GAREM1: variants seen among roughly 807,000 people sequenced by gnomAD.
GAREM1 encodes the protein GRB2-associated and regulator of MAPK protein 1.
GAREM1 carries 26 observed loss-of-function variants against 71.3 expected under a neutral mutation model. That is an observed-to-expected ratio of 0.36 (90% confidence interval 0.27 to 0.51). The LOEUF is 0.51. GAREM1 is among the 20% of genes least tolerant of loss of function. The probability of loss-of-function intolerance (pLI) is 0.95; values close to 1 mark genes in which losing one functional copy is unlikely to be tolerated. For missense variants in GAREM1, 1,026 were observed against 1,103.1 expected (o/e 0.93, Z 0.99); for synonymous variants, 440 against 433.2 (o/e 1.02, Z -0.20).
At chr18:32,289,672 A>AGG (rs1280374160) in intron 3 of GAREM1, among the ~76,000 whole-genome samples, 1 of 152,176 alleles carries the variant, frequency 6.6e-6, no homozygotes, top group African/African-American at 2.4e-5. Flanking sequence ...ATTCTGAACC[A>AGG]GGGGTGACTA....
chr18:32,365,959 G>A (rs2047925489), intron 2 of GAREM1, among the ~76,000 whole-genome samples: 1 of 152,124 alleles, frequency 6.6e-6, no homozygotes, highest in African/African-American at 2.4e-5. Flanking sequence ...ATTGTTTAAA[G>A]TTCTTAGTAA....
At chr18:32,284,241 A>C (rs537246107) in intron 4 of GAREM1, among the ~76,000 whole-genome samples, 1 of 152,356 alleles carries the variant, frequency 6.6e-6, no homozygotes, top group African/African-American at 2.4e-5. Context: ...TTTAAAAAAA[A>C]CAAATTAAAT....
At chr18:32,433,391 C>G (rs889725047) in intron 1 of GAREM1, among the ~76,000 whole-genome samples, 1 of 151,518 alleles carries the variant, frequency 6.6e-6, no homozygotes, top group Non-Finnish European at 1.5e-5. Flanking sequence ...AGGATACCCA[C>G]TCTTACCACT....
At chr18:32,291,598 CCAT>C (rs1440647432) in intron 3 of GAREM1, among the ~76,000 whole-genome samples, 11 of 152,112 alleles carry the variant, frequency 7.2e-5, no homozygotes, top group Admixed American at 2.6e-4. Context: ...ACCCATCAAA[CCAT>C]CATTTACATT....
At chr18:32,344,473 A>G (rs1368496289) in intron 2 of GAREM1, among the ~76,000 whole-genome samples, 1 of 152,214 alleles carries the variant, frequency 6.6e-6, no homozygotes, top group Non-Finnish European at 1.5e-5. Flanking sequence ...CATAAGGTAC[A>G]AAACAGATTA....
intron 1 of GAREM1, among the ~76,000 whole-genome samples, chr18:32,463,810 C>G (rs1268916881): frequency 6.6e-6 from 1 of 151,626 alleles, no homozygotes; most frequent in African/African-American, 2.4e-5. Flanking sequence ...ACCTCGTGAT[C>G]CGCCCACCTC....
At chr18:32,270,917 T>C (rs974683539) in intron 4 of GAREM1, among the ~76,000 whole-genome samples, 1 of 147,740 alleles carries the variant, frequency 6.8e-6, no homozygotes, top group African/African-American at 2.5e-5. Flanking sequence ...TTTTTTTTTT[T>C]TTGAGATGGA....
chr18:32,274,011 G>C (rs1389390840), intron 4 of GAREM1, among the ~76,000 whole-genome samples: 3 of 152,202 alleles, frequency 2.0e-5, no homozygotes, highest in African/African-American at 7.2e-5. Flanking sequence ...CACAGAGTGA[G>C]TGGCTTGCAC....
In GAREM1 at chr18:32,268,242, C is replaced by G; in HGVS notation, c.2260G>C (p.Asp754His). 3 of 1,614,074 alleles carry G rather than the reference C, an allele frequency of 1.9e-6. No individual in the cohort carries two copies. The highest frequency in any genetic ancestry group is 2.5e-6 in the Non-Finnish European group (3 of 1,180,012). Residue 754 changes from aspartate to histidine, a missense_variant, in exon 6 of 6, where the codon GAC becomes CAC. By Grantham distance (81) the Asp-to-His change is moderately conservative. Coordinates refer to ENST00000269209, the MANE Select transcript of GAREM1 (RefSeq NM_001242409.2). ...AGATCTGGTGACCCAGACTTGGGGT[C>G]TTCCTCAGCACCATCAATTTTCAGA... ...LPLKIDGAEE[D>H]PKSGSPDLSE...
intron 2 of GAREM1, among the ~76,000 whole-genome samples, chr18:32,349,736 G>A (rs1164812862): frequency 6.6e-6 from 1 of 152,102 alleles, no homozygotes; most frequent in Non-Finnish European, 1.5e-5. Flanking sequence ...GTATTTAATC[G>A]ACAAATACAA....
At chr18:32,377,413 G>A (rs2048041151) in intron 2 of GAREM1, among the ~76,000 whole-genome samples, 1 of 152,086 alleles carries the variant, frequency 6.6e-6, no homozygotes, top group African/African-American at 2.4e-5. Flanking sequence ...TTCTTATTGG[G>A]CGAGTGAGGC....
chr18:32,289,866 G>A (rs563439764), intron 3 of GAREM1, among the ~76,000 whole-genome samples: 1 of 152,208 alleles, frequency 6.6e-6, no homozygotes, highest in East Asian at 1.9e-4. Flanking sequence ...AGAAACGCTG[G>A]TATAATTACC....
chr18:32,304,996 A>G (rs1797096329), intron 3 of GAREM1, among the ~76,000 whole-genome samples: 1 of 152,166 alleles, frequency 6.6e-6, no homozygotes, highest in Non-Finnish European at 1.5e-5. Context: ...GAGAAGAAAC[A>G]TGGTTGATGA....
At chr18:32,352,988 G>A (rs1239918542) in intron 2 of GAREM1, among the ~76,000 whole-genome samples, 1 of 152,144 alleles carries the variant, frequency 6.6e-6, no homozygotes, top group Non-Finnish European at 1.5e-5. Context: ...TTATTAATGA[G>A]AGGCCAACTC....
At chr18:32,438,235 T>C (rs1019903592) in intron 1 of GAREM1, among the ~76,000 whole-genome samples, 1 of 152,216 alleles carries the variant, frequency 6.6e-6, no homozygotes, top group Non-Finnish European at 1.5e-5. Flanking sequence ...CGGATTTATC[T>C]GGCAGAGCGG....
intron 2 of GAREM1, among the ~76,000 whole-genome samples, chr18:32,389,832 A>T (rs979126099): frequency 2.6e-5 from 4 of 152,118 alleles, no homozygotes; most frequent in South Asian, 4.1e-4. Flanking sequence ...CCTTGAAATG[A>T]TCAATCATAT....
At chr18:32,433,657 A>G (rs72933532) in intron 1 of GAREM1, among the ~76,000 whole-genome samples, 32,876 of 151,928 alleles carry the variant, frequency 0.22, 4,198 homozygotes, top group East Asian at 0.39. Flanking sequence ...ACATTTCTCT[A>G]TCTTAGCAAT....
At chr18:32,420,926 T>G (rs1187005685) in intron 1 of GAREM1, among the ~76,000 whole-genome samples, 2 of 152,036 alleles carry the variant, frequency 1.3e-5, no homozygotes, top group Non-Finnish European at 2.9e-5. Context: ...GCAGCTGGAG[T>G]TCCTTCCTCA....
At chr18:32,350,850 A>C (rs1006846313) in intron 2 of GAREM1, among the ~76,000 whole-genome samples, 1 of 152,190 alleles carries the variant, frequency 6.6e-6, no homozygotes, top group African/African-American at 2.4e-5. Context: ...GTTTTATGGC[A>C]TATCAGGAAT....
Sources: allele counts gnomAD v4.1 joint callset (sites outside exome capture counted in the v4.1 genomes callset), GRCh38; gene constraint gnomAD v4.1.1; transcripts MANE v1.5; gene names NCBI Gene and HGNC (gene_info 2026-07-23, HGNC 2026-07-21).